The following ST6GAL1 variants were observed in gnomAD, a reference collection of about 807,000 sequenced individuals.
ST6GAL1 encodes the protein beta-galactoside alpha-2,6-sialyltransferase 1.
A neutral mutation model predicts 38.0 loss-of-function variants in ST6GAL1; 20 were observed. The ratio of observed to expected loss-of-function variants is 0.53; its 90% CI spans 0.37 to 0.77. The LOEUF (loss-of-function observed/expected upper bound fraction) is 0.77. Among genes scored for constraint, ST6GAL1 ranks in the 30% least tolerant of loss-of-function variants. ST6GAL1 has a pLI of 0.00. For missense variants in ST6GAL1, 432 were observed against 496.4 expected (o/e 0.87, Z 1.23); for synonymous variants, 196 against 188.2 (o/e 1.04, Z -0.34).
chr3:187,058,442 C>T (rs545981556), intron 5 of ST6GAL1, among the ~76,000 whole-genome samples: 10 of 152,232 alleles, frequency 6.6e-5, no homozygotes, highest in East Asian at 5.8e-4. Flanking sequence ...ATTTTTATAA[C>T]GGGATAGAAA....
chr3:186,957,232 C>G (rs925225482), intron 1 of ST6GAL1, among the ~76,000 whole-genome samples: 2 of 152,156 alleles, frequency 1.3e-5, no homozygotes, highest in African/African-American at 2.4e-5. Flanking sequence ...CATTTGAACC[C>G]AAGAGTTTGA....
intron 1 of ST6GAL1, among the ~76,000 whole-genome samples, chr3:186,944,350 A>G (rs1481212196): frequency 6.6e-6 from 1 of 152,184 alleles, no homozygotes; most frequent in Non-Finnish European, 1.5e-5. Context: ...GGAGTTGGGA[A>G]GGTGGAGGGC....
rs767139133 is a variant in ST6GAL1 at position 187,042,869 on chromosome 3, A to G, written c.166A>G (p.Met56Val). 6.8e-6 allele frequency: 11 copies of G among 1,614,186 alleles called. No homozygotes were observed. Among genetic ancestry groups the G allele is most frequent in the Non-Finnish European group, 8.5e-6 (10 of 1,180,010 alleles). ...QVLKSLGKLAMGSDSQSVSSS... is the reference protein window; with the variant it reads ...QVLKSLGKLAVGSDSQSVSSS... ...GTTAAAGAGTCTGGGGAAATTGGCC[A>G]TGGGGTCTGATTCCCAGTCTGTATC... Residue 56 changes from methionine (M) to valine (V), a missense_variant, in exon 4 of 8, where the codon ATG becomes GTG. Transcript: ENST00000169298.
intron 4 of ST6GAL1, among the ~76,000 whole-genome samples, chr3:187,048,796 G>T (rs983485401): frequency 2.0e-5 from 3 of 151,372 alleles, no homozygotes; most frequent in Admixed American, 6.6e-5. Context: ...TCTAACCTAA[G>T]CCTTCTGTGC....
At chr3:187,037,899 T>C (rs1333558774) in intron 2 of ST6GAL1, among the ~76,000 whole-genome samples, 1 of 152,218 alleles carries the variant, frequency 6.6e-6, no homozygotes, top group Admixed American at 6.5e-5. Flanking sequence ...CTAGTACTTT[T>C]TCCTAGTACT....
chr3:186,996,419 G>A lies in ST6GAL1; in HGVS notation c.-183+32493G>A, dbSNP rs564173942. ...TTTTCATGCTTTGTGGCCTTGGAAGGGGGTAGATAGAGTGTAGGTGGTTAG... is the reference window on the plus strand; with the variant it reads ...TTTTCATGCTTTGTGGCCTTGGAAGAGGGTAGATAGAGTGTAGGTGGTTAG... On this transcript the variant is annotated intron_variant, in intron 2 of 7. Coordinates refer to ENST00000169298, the MANE Select transcript of ST6GAL1 (RefSeq NM_173216.2). The A allele has an allele frequency of 7.9e-5, 12 of 152,334 alleles. No individual in the cohort carries two copies. In the South Asian group the frequency reaches 1.7e-3, roughly 21 times the overall value. The allele number at this position is 152,334 out of a possible 1,614,324, so 9.4% of individuals were successfully genotyped here.
Position 187,042,829 on chromosome 3 carries a change from C to T in ST6GAL1, c.126C>T (p.Thr42=), listed in dbSNP as rs773591620. 1.9e-6 allele frequency: 3 copies of T among 1,614,112 alleles called. No homozygotes were observed. Among genetic ancestry groups the T allele is most frequent in the Middle Eastern group, 1.6e-4 (1 of 6,062 alleles). The change falls in exon 4 of 8, where the codon ACC becomes ACT. Residue 42 remains threonine (T), a synonymous_variant. Coordinates refer to ENST00000169298, the MANE Select transcript of ST6GAL1 (RefSeq NM_173216.2). ...GSYYDSFKLQ[T]KEFQVLKSLG... ...ACTATGATTCCTTTAAATTGCAAAC[C>T]AAGGAATTCCAGGTGTTAAAGAGTC...
intron 2 of ST6GAL1, among the ~76,000 whole-genome samples, chr3:187,018,056 G>T (rs571866842): frequency 1.8e-4 from 27 of 152,288 alleles, no homozygotes; most frequent in Non-Finnish European, 3.7e-4. Context: ...TGACAGCTCT[G>T]CTGCTGTGTC....
intron 2 of ST6GAL1, among the ~76,000 whole-genome samples, chr3:187,012,986 G>A (rs547846741): frequency 1.1e-3 from 164 of 152,308 alleles, no homozygotes; most frequent in African/African-American, 3.8e-3. Context: ...GGGCTGCAGA[G>A]GGCTGGCAGG....
intron 2 of ST6GAL1, among the ~76,000 whole-genome samples, chr3:186,981,741 G>C (rs970479998): frequency 6.6e-6 from 1 of 152,120 alleles, no homozygotes; most frequent in Non-Finnish European, 1.5e-5. Flanking sequence ...CCCTTATCCT[G>C]GTCCATTGAC....
At chr3:186,969,582 A>C (rs1192495473) in intron 2 of ST6GAL1, among the ~76,000 whole-genome samples, 1 of 152,180 alleles carries the variant, frequency 6.6e-6, no homozygotes, top group Non-Finnish European at 1.5e-5. Flanking sequence ...TAAGTCCTTT[A>C]TTGGATATGC....
At chr3:186,984,360 CTG>C (rs1483637182) in intron 2 of ST6GAL1, among the ~76,000 whole-genome samples, 2 of 152,188 alleles carry the variant, frequency 1.3e-5, no homozygotes, top group African/African-American at 4.8e-5. Context: ...GGTTGTTCCT[CTG>C]CTCAGCCTCC....
At chr3:187,044,917 C>A (rs944266494) in intron 4 of ST6GAL1, among the ~76,000 whole-genome samples, 1 of 152,208 alleles carries the variant, frequency 6.6e-6, no homozygotes, top group Non-Finnish European at 1.5e-5. Context: ...TGTTAGACTT[C>A]GAATGTTCTG....
chr3:187,051,575 G>T, intron 5 of ST6GAL1: 1 of 465,450 alleles, frequency 2.1e-6, no homozygotes, highest in Non-Finnish European at 4.0e-6. Flanking sequence ...GGAGGTGTCT[G>T]GTACCCAGGA....
intron 1 of ST6GAL1, among the ~76,000 whole-genome samples, chr3:186,938,646 AG>A (rs1714047577): frequency 6.6e-6 from 1 of 152,330 alleles, no homozygotes; most frequent in South Asian, 2.1e-4. Context: ...TGACAAGTTG[AG>A]AGAGAAAAAT....
At chr3:187,034,068 CAA>C (rs1394561632) in intron 2 of ST6GAL1, among the ~76,000 whole-genome samples, 1 of 152,008 alleles carries the variant, frequency 6.6e-6, no homozygotes, top group African/African-American at 2.4e-5. Context: ...CCAGAAATGA[CAA>C]ATATGACATT....
At chr3:187,029,411 A>T (rs1184200508) in intron 2 of ST6GAL1, among the ~76,000 whole-genome samples, 1 of 152,202 alleles carries the variant, frequency 6.6e-6, no homozygotes, top group Non-Finnish European at 1.5e-5. Context: ...TAGCCAGTTC[A>T]TCTATAGTAA....
chr3:186,951,436 A>C (rs1714575213), intron 1 of ST6GAL1, among the ~76,000 whole-genome samples: 1 of 152,160 alleles, frequency 6.6e-6, no homozygotes, highest in Non-Finnish European at 1.5e-5. Flanking sequence ...ATTGGTTCTC[A>C]ACCCTGGCTG....
At chr3:186,955,563 T>G (rs1485565383) in intron 1 of ST6GAL1, among the ~76,000 whole-genome samples, 1 of 151,996 alleles carries the variant, frequency 6.6e-6, no homozygotes, top group Non-Finnish European at 1.5e-5. Flanking sequence ...AGTGCAGTGG[T>G]GTGATCTTGG....
Sources: gnomAD v4.1 joint callset for allele counts (sites outside exome capture counted in the v4.1 genomes callset) on GRCh38, gnomAD v4.1.1 for gene constraint, MANE v1.5 for transcripts, NCBI Gene and HGNC (gene_info 2026-07-23, HGNC 2026-07-21) for gene names.